Variants in MYH10 observed in about 807,000 individuals in gnomAD.
MYH10 encodes myosin-10.
A neutral mutation model predicts 257.8 loss-of-function variants in MYH10; 55 were observed. That is an observed-to-expected ratio of 0.21 (90% CI 0.17 to 0.27). The LOEUF is 0.27. MYH10 is among the 10% of genes least tolerant of loss of function. MYH10 has a pLI of 1.00. For missense variants in MYH10, 1,631 were observed against 2,500.6 expected (o/e 0.65, Z 7.42); for synonymous variants, 854 against 921.7 (o/e 0.93, Z 1.33).
intron 9 of MYH10, among the ~76,000 whole-genome samples, chr17:8,550,523 G>A (rs1360767566): frequency 2.0e-5 from 3 of 151,112 alleles, no homozygotes; most frequent in East Asian, 2.0e-4. Context: ...AGGTGGGGGG[G>A]ACAGCCCCCC....
At position 8,475,541 on chromosome 17, in the gene MYH10, C is replaced by A; in HGVS notation, c.*263G>T. 1 of 384,898 alleles carries A rather than the reference C, an allele frequency of 2.6e-6. No homozygotes were observed. The highest frequency in any genetic ancestry group is 5.3e-5 in the South Asian group (1 of 18,894). The allele number at this position is 384,898 out of a possible 1,614,324, so 23.8% of individuals were successfully genotyped here. On this transcript the variant is annotated 3_prime_UTR_variant, in exon 43 of 43. Transcript: ENST00000360416. ...GTCTTACCATGTTTTATAAAATGGT[C>A]TCTTGATGACTATATGGAAAATAGA...
At chr17:8,599,047 C>T (rs1311168994) in intron 3 of MYH10, among the ~76,000 whole-genome samples, 1 of 152,190 alleles carries the variant, frequency 6.6e-6, no homozygotes, top group African/African-American at 2.4e-5. Flanking sequence ...TTTTGATTTC[C>T]TCTTTTACCA....
intron 4 of MYH10, among the ~76,000 whole-genome samples, chr17:8,588,119 T>TAG (rs2083979845): frequency 2.0e-5 from 3 of 152,138 alleles, no homozygotes; most frequent in Non-Finnish European, 4.4e-5. Context: ...TTCTTTGTGG[T>TAG]TCTTCCTCCT....
In MYH10 at chr17:8,535,677, CT is replaced by C. The variant is rs1363752253; in HGVS notation, c.1779+80del. 3 of 1,417,192 alleles carry C rather than the reference CT, an allele frequency of 2.1e-6. No individual in the cohort carries two copies. The African/African-American group carries it at 4.3e-5, about 20-fold the overall frequency. The allele number at this position is 1,417,192 out of a possible 1,614,324, so 87.8% of individuals were successfully genotyped here. A position where few individuals can be genotyped will look rare whatever the true frequency, so the allele number is the denominator to read the frequency against. On this transcript the variant is annotated intron_variant, in intron 15 of 42. Transcript: ENST00000360416. This position sits in a 1 kb window ranked among gnomAD's most constrained non-coding sequence, Gnocchi z 4.3. The stretch of plus-strand genomic sequence containing the variant: ...TTTGTTTATAAATGTTTATCAGCAC[CT>C]TTGTTACACCTTCATAAAAATGTAG...
At chr17:8,507,427 T>A (rs776467817) in intron 26 of MYH10, among the ~76,000 whole-genome samples, 26 of 152,218 alleles carry the variant, frequency 1.7e-4, no homozygotes, top group Non-Finnish European at 3.4e-4. Flanking sequence ...ACTTCCATCC[T>A]CTTTTCTTAT....
At chr17:8,588,228 A>G (rs947794020) in intron 4 of MYH10, among the ~76,000 whole-genome samples, 1 of 152,016 alleles carries the variant, frequency 6.6e-6, no homozygotes, top group Non-Finnish European at 1.5e-5. Context: ...CATGGCTTCC[A>G]TCACCTTCCA....
chr17:8,617,606 TC>T (rs1346594971), intron 2 of MYH10, among the ~76,000 whole-genome samples: 1 of 152,180 alleles, frequency 6.6e-6, no homozygotes, highest in East Asian at 1.9e-4. Context: ...ATCCAGGAAT[TC>T]CACTCCTAGT....
At chr17:8,612,960 A>C (rs2085102395) in intron 2 of MYH10, among the ~76,000 whole-genome samples, 3 of 152,192 alleles carry the variant, frequency 2.0e-5, no homozygotes, top group Admixed American at 2.0e-4. Flanking sequence ...GGATCTTAGA[A>C]TGTATCCCTT....
chr17:8,610,357 G>A lies in MYH10; in HGVS notation c.346-5375C>T, dbSNP rs73236795. On this transcript the variant is annotated intron_variant, in intron 2 of 42. Transcript: ENST00000360416. ...TAACCCCAGCACTTTGGGAAGCCAC[G>A]GTGGGAAGATCACTTGAGCTCAGGA... Among the ~76,000 whole-genome samples, 978 of 146,148 alleles carry A rather than the reference G, an allele frequency of 6.7e-3. 11 individuals are homozygous for A. The highest frequency in any genetic ancestry group is 0.023 in the African/African-American group (916 of 39,440).
At chr17:8,483,995 A>T in intron 37 of MYH10, 143 bp downstream of exon 37, 1 of 692,382 alleles carries the variant, frequency 1.4e-6, no homozygotes, top group Non-Finnish European at 2.3e-6. Context: ...GGACCATATT[A>T]AAAATGGATA....
In MYH10 at chr17:8,545,630, C is replaced by A; in HGVS notation, c.1279-30G>T. 1 of 1,599,558 alleles carries A rather than the reference C, an allele frequency of 6.3e-7. No individual in the cohort carries two copies. The highest frequency in any genetic ancestry group is 8.5e-7 in the Non-Finnish European group (1 of 1,174,420). ...AATTAAATCACAACAACCTTTTATT[C>A]TGGAAACAATCTCAACAAAGCATAA... On this transcript the variant is annotated intron_variant, in intron 12 of 42. Coordinates refer to ENST00000360416, the MANE Select transcript of MYH10 (RefSeq NM_001256012.3). The surrounding 1 kb of genome is among the most constrained non-coding windows in gnomAD (Gnocchi z 4.7).
Position 8,504,789 on chromosome 17 carries a change from G to A in MYH10, c.3504C>T (p.Ala1168=), listed in dbSNP as rs750103280. The change falls in exon 28 of 43, where the codon GCC becomes GCT. Residue 1168 remains alanine, a synonymous_variant. Transcript: ENST00000360416. This position sits in a 1 kb window ranked among gnomAD's most constrained non-coding sequence, Gnocchi z 5.6. The part of the protein sequence containing the change: ...FESEKASRNK[A]EKQKRDLSEE... ...CACTCAAGTCCCTTTTCTGCTTTTC[G>A]GCCTTGTTCCGTGAAGCCTTCTCGG... is the stretch of plus-strand genomic sequence containing the variant. 1.5e-5 allele frequency: 24 copies of A among 1,614,092 alleles called. 1 individual carries two copies. Among genetic ancestry groups the A allele is most frequent in the Non-Finnish European group, 1.8e-5 (21 of 1,180,028 alleles).
intron 17 of MYH10, among the ~76,000 whole-genome samples, chr17:8,526,205 G>C (rs1426766253): frequency 6.6e-6 from 1 of 152,154 alleles, no homozygotes; most frequent in East Asian, 1.9e-4. Context: ...CACTAATAAT[G>C]TATGATTTCA....
intron 17 of MYH10, among the ~76,000 whole-genome samples, chr17:8,525,950 G>A (rs1466688959): frequency 6.6e-6 from 1 of 152,156 alleles, no homozygotes; most frequent in Non-Finnish European, 1.5e-5. Flanking sequence ...CTGCCACCAT[G>A]CCTGGCTAAT....
chr17:8,501,008 C>T, intron 28 of MYH10, 38 bp from the exon 29 acceptor site: 1 of 1,569,832 alleles, frequency 6.4e-7, no homozygotes, highest in South Asian at 1.2e-5. Context: ...TCAGAATTAG[C>T]TGACTGATTA....
At chr17:8,568,585 A>T (rs756641730) in intron 7 of MYH10, among the ~76,000 whole-genome samples, 8 of 152,128 alleles carry the variant, frequency 5.3e-5, no homozygotes, top group African/African-American at 1.9e-4. Flanking sequence ...ACTTCAGAGC[A>T]GGGAGAAAAA....
At position 8,552,175 on chromosome 17, in the gene MYH10, TTAATA is replaced by T. The variant is rs2082662847; in HGVS notation, c.821-36_821-32del. The T allele has an allele frequency of 8.4e-7, 1 of 1,187,540 alleles. No homozygotes were observed. 73.6% of individuals were successfully genotyped at this position (1,187,540 alleles called of 1,614,324 possible). A position where few individuals can be genotyped will look rare whatever the true frequency, so the allele number is the denominator to read the frequency against. On this transcript the variant is annotated intron_variant, in intron 8 of 42. Coordinates refer to ENST00000360416, the MANE Select transcript of MYH10 (RefSeq NM_001256012.3). This position sits in a 1 kb window ranked among gnomAD's most constrained non-coding sequence, Gnocchi z 4.8. Reference sequence around the variant, plus strand: ...CAAAGACAGTTAAGAATTAAATTATTTAATATAATTCTTAAATAAATAAAGGCCCT... The same window carrying T: ...CAAAGACAGTTAAGAATTAAATTATTTAATTCTTAAATAAATAAAGGCCCT...
chr17:8,615,806 AATCT>A (rs1451409801), intron 2 of MYH10, among the ~76,000 whole-genome samples: 16 of 152,238 alleles, frequency 1.1e-4, no homozygotes, highest in Non-Finnish European at 2.4e-4. Context: ...AATCTCCCTT[AATCT>A]GATAAAGAAT....
At chr17:8,492,648 T>TTTG in intron 33 of MYH10, 128 bp downstream of exon 33, 1 of 1,138,270 alleles carries the variant, frequency 8.8e-7, no homozygotes, top group African/African-American at 1.6e-5. Context: ...TTTTTTTTTT[T>TTTG]GCTTTCCCTT....
Sources: allele counts gnomAD v4.1 joint callset (sites outside exome capture counted in the v4.1 genomes callset), GRCh38; gene constraint gnomAD v4.1.1; non-coding constraint Gnocchi (gnomAD v3.1); transcripts MANE v1.5; gene names NCBI Gene and HGNC (gene_info 2026-07-23, HGNC 2026-07-21).